The following STK32B variants were observed in gnomAD, a reference collection of about 807,000 sequenced individuals.
STK32B encodes the protein serine/threonine-protein kinase 32B.
In STK32B, 43 loss-of-function variants were observed where a neutral mutation model predicts 52.6. The observed-to-expected ratio is 0.82, with a 90% CI of 0.64 to 1.05. STK32B has a LOEUF of 1.05. Ranked by LOEUF, STK32B falls within the 50% of genes least tolerant of loss-of-function variation. The pLI is 0.00. For missense variants in STK32B, 621 were observed against 534.6 expected (o/e 1.16, Z -1.59); for synonymous variants, 238 against 204.3 (o/e 1.17, Z -1.41).
At chr4:5,297,913 G>A (rs1729310976) in intron 3 of STK32B, among the ~76,000 whole-genome samples, 2 of 152,162 alleles carry the variant, frequency 1.3e-5, no homozygotes, top group Admixed American at 6.5e-5. Context: ...CCTCATCTTT[G>A]TGGATTTATC....
At chr4:5,443,486 A>T (rs901913014) in intron 6 of STK32B, among the ~76,000 whole-genome samples, 1 of 151,874 alleles carries the variant, frequency 6.6e-6, no homozygotes, top group Non-Finnish European at 1.5e-5. Context: ...TGTATTGGTT[A>T]TTCTAGTTAT....
chr4:5,401,085 CAA>C (rs1302998935), intron 5 of STK32B, among the ~76,000 whole-genome samples: 3 of 152,130 alleles, frequency 2.0e-5, no homozygotes, highest in Non-Finnish European at 4.4e-5. Flanking sequence ...ACTGCAGAAA[CAA>C]GAGGGGAATG....
At chr4:5,175,941 G>A (rs1719843016) in intron 3 of STK32B, among the ~76,000 whole-genome samples, 1 of 152,248 alleles carries the variant, frequency 6.6e-6, no homozygotes, top group Non-Finnish European at 1.5e-5. Flanking sequence ...GAGCTGTGGT[G>A]GGCTCCACCC....
intron 2 of STK32B, among the ~76,000 whole-genome samples, chr4:5,147,185 G>A (rs1716978304): frequency 6.6e-6 from 1 of 151,814 alleles, no homozygotes; most frequent in South Asian, 2.1e-4. Flanking sequence ...GGGGTACGGG[G>A]GACAGGGGGA....
intron 11 of STK32B, among the ~76,000 whole-genome samples, chr4:5,478,991 C>A (rs1718451097): frequency 6.6e-6 from 1 of 152,188 alleles, no homozygotes; most frequent in South Asian, 2.1e-4. Context: ...AAGTCAGACT[C>A]CCAGGCTGAC....
chr4:5,264,242 C>G (rs28852134), intron 3 of STK32B, among the ~76,000 whole-genome samples: 5 of 152,012 alleles, frequency 3.3e-5, no homozygotes, highest in Non-Finnish European at 7.4e-5. Context: ...AAGAGTTTTC[C>G]AAAAGTTATC....
At chr4:5,076,601 C>T (rs556158242) in intron 1 of STK32B, among the ~76,000 whole-genome samples, 12 of 152,244 alleles carry the variant, frequency 7.9e-5, no homozygotes, top group African/African-American at 2.9e-4. Flanking sequence ...GTAAATACTG[C>T]ATATTCACAA....
intron 3 of STK32B, among the ~76,000 whole-genome samples, chr4:5,240,417 T>G (rs181437898): frequency 5.9e-5 from 9 of 152,312 alleles, no homozygotes; most frequent in Admixed American, 6.5e-5. Context: ...TTCACTCTTT[T>G]ATGATACCTT....
intron 3 of STK32B, among the ~76,000 whole-genome samples, chr4:5,258,874 G>T (rs1726513748): frequency 1.3e-5 from 2 of 152,158 alleles, no homozygotes; most frequent in Non-Finnish European, 2.9e-5. Context: ...ATCTCACTCG[G>T]AGGTAAAGCT....
Position 5,469,495 on chromosome 4 carries a change from C to T in STK32B, c.1106+1425C>T, listed in dbSNP as rs1408205887. On this transcript the variant is annotated intron_variant, in intron 11 of 11. Transcript: ENST00000282908. This position sits in a 1 kb window ranked among gnomAD's most constrained non-coding sequence, Gnocchi z 4.7. ...CAGAGAAGGAAGACAGCATGGCTGCCGCAGGGCCTAGAGAGTGAGGAGAGG... is the reference window on the plus strand; with the variant it reads ...CAGAGAAGGAAGACAGCATGGCTGCTGCAGGGCCTAGAGAGTGAGGAGAGG... Among the ~76,000 whole-genome samples the T allele has an allele frequency of 2.0e-5, 3 of 152,114 alleles. No individual in the cohort carries two copies. The highest frequency in any genetic ancestry group is 4.8e-5 in the African/African-American group (2 of 41,408).
intron 4 of STK32B, among the ~76,000 whole-genome samples, chr4:5,344,388 C>T (rs2108975250): frequency 6.6e-6 from 1 of 152,268 alleles, no homozygotes; most frequent in Middle Eastern, 3.4e-3. Flanking sequence ...CAGTGAAGTC[C>T]GATGACCTAT....
chr4:5,157,915 C>G (rs1262030164), intron 2 of STK32B, among the ~76,000 whole-genome samples: 6 of 152,122 alleles, frequency 3.9e-5, no homozygotes, highest in South Asian at 2.1e-4. Context: ...TTACTAGAAG[C>G]CTTCATTGTT....
the STK32B span, among the ~76,000 whole-genome samples, chr4:5,036,659 ATTTTTTTTTTTTTTT>A: frequency 1.3e-5 from 1 of 74,234 alleles, no homozygotes; most frequent in South Asian, 6.0e-4. Context: ...GCAAGGGTGG[ATTTTTTTTTTTTTTT>A]TTTTTTTTTT....
At chr4:5,279,885 C>T (rs1034623102) in intron 3 of STK32B, among the ~76,000 whole-genome samples, 1 of 152,198 alleles carries the variant, frequency 6.6e-6, no homozygotes, top group African/African-American at 2.4e-5. Context: ...GCCCAGAATA[C>T]AGGGTGCCAT....
At chr4:5,047,269 A>G (rs1176620382), upstream of STK32B, among the ~76,000 whole-genome samples, 1 of 151,970 alleles carries the variant, frequency 6.6e-6, no homozygotes, top group African/African-American at 2.4e-5. Context: ...GTTCTCACTC[A>G]TAAGTGGGAG....
chr4:5,377,234 T>A (rs1356658949), intron 4 of STK32B, among the ~76,000 whole-genome samples: 1 of 152,186 alleles, frequency 6.6e-6, no homozygotes, highest in Admixed American at 6.5e-5. Flanking sequence ...CCATTAAAAA[T>A]TCACACTTTT....
At chr4:5,204,799 G>T (rs1577190796) in intron 3 of STK32B, among the ~76,000 whole-genome samples, 1 of 152,122 alleles carries the variant, frequency 6.6e-6, no homozygotes, top group Admixed American at 6.6e-5. Context: ...TATAGTCTCA[G>T]CTCTGGTTCT....
intron 11 of STK32B, among the ~76,000 whole-genome samples, chr4:5,497,186 T>C (rs906566686): frequency 6.6e-6 from 1 of 152,220 alleles, no homozygotes; most frequent in Non-Finnish European, 1.5e-5. Flanking sequence ...TTGAACATGT[T>C]AGCAGCTGGA....
At chr4:5,094,073 C>T (rs181907628) in intron 1 of STK32B, among the ~76,000 whole-genome samples, 5 of 152,240 alleles carry the variant, frequency 3.3e-5, no homozygotes, top group Non-Finnish European at 5.9e-5. Context: ...AAACCTTGCA[C>T]TTTTTGTGAA....
Sources: gnomAD v4.1 joint callset for allele counts (sites outside exome capture counted in the v4.1 genomes callset) on GRCh38, gnomAD v4.1.1 for gene constraint, Gnocchi (gnomAD v3.1) non-coding constraint, MANE v1.5 for transcripts, NCBI Gene and HGNC (gene_info 2026-07-23, HGNC 2026-07-21) for gene names.